Variants in ENPEP observed in about 807,000 individuals in gnomAD.
ENPEP encodes the protein AP-A.
ENPEP carries 103 observed loss-of-function variants against 114.5 expected under a neutral mutation model. The observed-to-expected ratio is 0.90, with a 90% CI of 0.77 to 1.06. ENPEP has a LOEUF of 1.06. Ranked by LOEUF, ENPEP falls within the 50% of genes least tolerant of loss-of-function variation. ENPEP has a pLI of 0.00. For missense variants in ENPEP, 1,196 were observed against 1,161.3 expected, an observed-to-expected ratio of 1.03 and a Z score of -0.43; for synonymous variants, 420 against 422.0, an observed-to-expected ratio of 1.00 and a Z score of 0.06.
intron 10 of ENPEP, among the ~76,000 whole-genome samples, chr4:110,520,674 G>C (rs1213138233): frequency 6.6e-6 from 1 of 152,160 alleles, no homozygotes; most frequent in Non-Finnish European, 1.5e-5. Context: ...GAGTTCTGAA[G>C]AAGTAAAGCA....
At chr4:110,484,735 A>G (rs913650072) in intron 1 of ENPEP, among the ~76,000 whole-genome samples, 5 of 142,058 alleles carry the variant, frequency 3.5e-5, no homozygotes, top group African/African-American at 1.3e-4. Flanking sequence ...AATATATATT[A>G]TATATATTAT....
intron 17 of ENPEP, among the ~76,000 whole-genome samples, chr4:110,550,575 C>T (rs17041898): frequency 0.13 from 19,935 of 152,024 alleles, 1,688 homozygotes; most frequent in East Asian, 0.2. Flanking sequence ...GCACAAAGCT[C>T]ATCTATGACT....
intron 11 of ENPEP, among the ~76,000 whole-genome samples, chr4:110,532,558 A>G (rs980294178): frequency 2.0e-5 from 3 of 152,178 alleles, no homozygotes; most frequent in East Asian, 1.9e-4. Flanking sequence ...TAATGCTGCT[A>G]TAAACATTTG....
At chr4:110,554,985 A>C (rs1198481078) in intron 18 of ENPEP, among the ~76,000 whole-genome samples, 1 of 151,982 alleles carries the variant, frequency 6.6e-6, no homozygotes, top group African/African-American at 2.4e-5. Context: ...TAGTTGTTTC[A>C]CTTCAGGAAA....
intron 17 of ENPEP, among the ~76,000 whole-genome samples, chr4:110,552,702 A>G (rs1727336390): frequency 6.6e-6 from 1 of 152,184 alleles, no homozygotes; most frequent in Non-Finnish European, 1.5e-5. Flanking sequence ...ATCTTGGGCT[A>G]GAAACGCTAC....
chr4:110,526,808 C>A (rs2110369704), intron 10 of ENPEP, among the ~76,000 whole-genome samples: 1 of 152,214 alleles, frequency 6.6e-6, no homozygotes, highest in African/African-American at 2.4e-5. Flanking sequence ...TTGATGGAAA[C>A]AATAAGCCTG....
Position 110,476,942 on chromosome 4 carries a change from G to C in ENPEP, c.528G>C (p.Glu176Asp), listed in dbSNP as rs1454942198. 1 of 1,614,190 alleles carries C rather than the reference G, an allele frequency of 6.2e-7. No homozygotes were observed. Among genetic ancestry groups the C allele is most frequent in the Non-Finnish European group, 8.5e-7 (1 of 1,180,038 alleles). ...ACGTGGTGGTCGAGGCGGAGGAAGA[G>C]CTTACCCCCAGCAGTGGAGATGGCC... is the stretch of plus-strand genomic sequence containing the variant. ...QEYVVVEAEE[E>D]LTPSSGDGLY... The change falls in exon 1 of 20, where the codon GAG becomes GAC. Residue 176 changes from glutamate to aspartate, a missense_variant. Glu to Asp is a conservative substitution (Grantham distance 45). Coordinates refer to ENST00000265162, the MANE Select transcript of ENPEP (RefSeq NM_001977.4).
chr4:110,476,780 C>A lies in ENPEP; in HGVS notation c.366C>A (p.Ser122=). 6.2e-7 allele frequency: 1 copy of A among 1,614,204 alleles called. No homozygotes were observed. Among genetic ancestry groups the A allele is most frequent in the Non-Finnish European group, 8.5e-7 (1 of 1,180,036 alleles). The change falls in exon 1 of 20, where the codon TCC becomes TCA. Residue 122 remains serine (S), a synonymous_variant. Transcript: ENST00000265162. ...EDTYTGTVSI[S]INLSAPTRYL... ...CCTACACGGGCACCGTGAGCATCTCCATCAACCTGAGCGCTCCCACCCGGT... is the reference window on the plus strand; with the variant it reads ...CCTACACGGGCACCGTGAGCATCTCAATCAACCTGAGCGCTCCCACCCGGT...
intron 17 of ENPEP, 58 bp downstream of exon 17, chr4:110,549,944 G>A: frequency 1.4e-6 from 2 of 1,427,322 alleles, no homozygotes; most frequent in Non-Finnish European, 1.9e-6. Flanking sequence ...ATGTGTCACA[G>A]TCTCTTTAAG....
At chr4:110,527,998 A>G (rs1726262568) in intron 10 of ENPEP, among the ~76,000 whole-genome samples, 2 of 152,316 alleles carry the variant, frequency 1.3e-5, no homozygotes, top group African/African-American at 4.8e-5. Context: ...TAAATATATC[A>G]TCACGGTATA....
chr4:110,476,205 C>T lies in ENPEP; in HGVS notation c.-210C>T. On this transcript the variant is annotated 5_prime_UTR_variant, in exon 1 of 20. Coordinates refer to ENST00000265162, the MANE Select transcript of ENPEP (RefSeq NM_001977.4). ...TCCTCTTACGGAGTCCTCATTCCAC[C>T]CCCCTTGTTTCCGCATTCATCCTGA... The T allele has an allele frequency of 1.8e-6, 1 of 558,276 alleles. No individual in the cohort carries two copies. The highest frequency in any genetic ancestry group is 3.0e-6 in the Non-Finnish European group (1 of 331,198). 34.6% of individuals were successfully genotyped at this position (558,276 alleles called of 1,614,324 possible). A position where few individuals can be genotyped will look rare whatever the true frequency, so the allele number is the denominator to read the frequency against.
chr4:110,497,553 CAACTTAAATTTT>C (rs888351692), intron 3 of ENPEP, among the ~76,000 whole-genome samples: 19 of 152,024 alleles, frequency 1.2e-4, no homozygotes, highest in Non-Finnish European at 1.9e-4. Flanking sequence ...AAGCATCAGA[CAACTTAAATTTT>C]AACTTAAATG....
chr4:110,495,307 A>AT (rs1330977979), intron 3 of ENPEP, among the ~76,000 whole-genome samples: 8 of 152,238 alleles, frequency 5.3e-5, no homozygotes, highest in Non-Finnish European at 8.8e-5. Context: ...TAGTATATAT[A>AT]AAATCATTTG....
At chr4:110,515,342 T>C in intron 7 of ENPEP, 35 bp from the exon 8 acceptor site, 2 of 1,543,386 alleles carry the variant, frequency 1.3e-6, no homozygotes, top group Non-Finnish European at 1.8e-6. Context: ...ACATAGCCTT[T>C]ATTAGTTTCA....
At chr4:110,529,802 A>T (rs1327405830) in intron 10 of ENPEP, among the ~76,000 whole-genome samples, 1 of 152,204 alleles carries the variant, frequency 6.6e-6, no homozygotes, top group Non-Finnish European at 1.5e-5. Flanking sequence ...GGCCGGGCAC[A>T]GTGGCTTATG....
intron 11 of ENPEP, 73 bp downstream of exon 11, chr4:110,531,350 GC>G (rs1326822229): frequency 3.4e-6 from 4 of 1,169,266 alleles, no homozygotes; most frequent in Non-Finnish European, 4.5e-6. Context: ...GTATAAAGAT[GC>G]AACAGTAAAG....
chr4:110,550,631 T>A (rs1206979886), intron 17 of ENPEP, among the ~76,000 whole-genome samples: 6 of 152,166 alleles, frequency 3.9e-5, no homozygotes, highest in Non-Finnish European at 5.9e-5. Flanking sequence ...GGCTTCTTCC[T>A]TAATTCATTT....
chr4:110,488,896 G>A (rs1229715172), intron 2 of ENPEP, among the ~76,000 whole-genome samples: 2 of 152,190 alleles, frequency 1.3e-5, no homozygotes, highest in Non-Finnish European at 2.9e-5. Context: ...CCAGATTGGT[G>A]TTTCTGTGCA....
Position 110,548,285 on chromosome 4 carries a change from A to G in ENPEP, c.2110A>G (p.Ser704Gly), listed in dbSNP as rs1403824012. 1 of 1,605,160 alleles carries G rather than the reference A, an allele frequency of 6.2e-7. No homozygotes were observed. The highest frequency in any genetic ancestry group is 1.7e-4 in the Middle Eastern group (1 of 6,026). The part of the protein sequence containing the change: ...RVISAVTYII[S>G]MFEDDKELYP... Reference sequence around the variant, plus strand: ...AATTTCAGCTGTAACCTACATCATTAGCATGTTTGAAGATGATAAAGAGCT... The same window carrying G: ...AATTTCAGCTGTAACCTACATCATTGGCATGTTTGAAGATGATAAAGAGCT... The change falls in exon 14 of 20, where the codon AGC (serine) becomes GGC (glycine). Residue 704 changes from serine (S) to glycine (G), a missense_variant. Transcript: ENST00000265162.
Sources: allele counts gnomAD v4.1 joint callset (sites outside exome capture counted in the v4.1 genomes callset), GRCh38; gene constraint gnomAD v4.1.1; transcripts MANE v1.5; gene names NCBI Gene and HGNC (gene_info 2026-07-23, HGNC 2026-07-21).